The following MIS18BP1 variants were observed in gnomAD, a reference collection of about 807,000 sequenced individuals.
MIS18BP1 encodes MIS18 binding protein 1.
MIS18BP1 carries 72 observed loss-of-function variants against 116.1 expected under a neutral mutation model. The observed-to-expected ratio is 0.62, with a 90% CI of 0.51 to 0.75. MIS18BP1 has a LOEUF of 0.75. MIS18BP1 is among the 30% of genes least tolerant of loss of function. MIS18BP1 has a pLI of 0.00. For missense variants in MIS18BP1, 1,363 were observed against 1,303.2 expected (o/e 1.05, Z -0.71); for synonymous variants, 386 against 427.0 (o/e 0.90, Z 1.18).
chr14:45,250,218 G>A (rs1474045225), intron 1 of MIS18BP1: 1 of 152,108 alleles, frequency 6.6e-6, no homozygotes, highest in Non-Finnish European at 1.5e-5. Context: ...CCCTCCCAAA[G>A]AAACAGAAAG....
chr14:45,226,737 T>TA lies in MIS18BP1; in HGVS notation c.1840+5dup, dbSNP rs1891131735. 7.3e-7 allele frequency: 1 copy of TA among 1,378,880 alleles called. No individual in the cohort carries two copies. The highest frequency in any genetic ancestry group is 1.5e-5 in the African/African-American group (1 of 66,980). The allele number at this position is 1,378,880 out of a possible 1,614,324, so 85.4% of individuals were successfully genotyped here. A position where few individuals can be genotyped will look rare whatever the true frequency, so the allele number is the denominator to read the frequency against. ...TATGATTAAAAAACCATTAAAGATA[T>TA]ATTACCTTGCTTCTGACTTTTTATT... is the stretch of plus-strand genomic sequence containing the variant. On this transcript the variant is annotated splice_donor_region_variant and intron_variant, in intron 10 of 16. Transcript: ENST00000310806.
chr14:45,219,722 TTC>T (rs1419226432), intron 11 of MIS18BP1, among the ~76,000 whole-genome samples: 1 of 152,220 alleles, frequency 6.6e-6, no homozygotes, highest in African/African-American at 2.4e-5. Flanking sequence ...TGTTAATGAA[TTC>T]TTTTACATAA....
chr14:45,214,814 C>T (rs757925050), intron 13 of MIS18BP1, among the ~76,000 whole-genome samples: 1 of 152,058 alleles, frequency 6.6e-6, no homozygotes, highest in Non-Finnish European at 1.5e-5. Flanking sequence ...TGCAATGGTG[C>T]CTTCTCAGCT....
At chr14:45,207,523 C>T (rs577332209) in intron 14 of MIS18BP1, among the ~76,000 whole-genome samples, 3 of 152,232 alleles carry the variant, frequency 2.0e-5, no homozygotes, top group African/African-American at 7.2e-5. Flanking sequence ...CGGTGGCATG[C>T]GCCTGTAATC....
intron 12 of MIS18BP1, among the ~76,000 whole-genome samples, chr14:45,217,711 C>T (rs1225338225): frequency 6.6e-6 from 1 of 151,966 alleles, no homozygotes; most frequent in African/African-American, 2.4e-5. Context: ...GCTGGGATTA[C>T]AGGCATGAGC....
intron 5 of MIS18BP1, among the ~76,000 whole-genome samples, chr14:45,237,430 C>A (rs1201892986): frequency 6.6e-6 from 1 of 152,128 alleles, no homozygotes; most frequent in Non-Finnish European, 1.5e-5. Context: ...TTTGAACTGT[C>A]ATTATTTTAA....
chr14:45,214,110 GA>G, intron 13 of MIS18BP1, among the ~76,000 whole-genome samples: 1 of 152,206 alleles, frequency 6.6e-6, no homozygotes, highest in Non-Finnish European at 1.5e-5. Context: ...GGAAGGGAAA[GA>G]CCTTACTGTC....
chr14:45,206,055 T>C (rs937912301), intron 15 of MIS18BP1, 28 bp downstream of exon 15: 9 of 1,413,638 alleles, frequency 6.4e-6, no homozygotes, highest in Non-Finnish European at 9.0e-6. Flanking sequence ...GTTTCATAGA[T>C]ATGTATTGGA....
chr14:45,245,048 ATTTC>A (rs1891687033), intron 2 of MIS18BP1, among the ~76,000 whole-genome samples: 1 of 152,120 alleles, frequency 6.6e-6, no homozygotes, highest in South Asian at 2.1e-4. Context: ...AATTGCCATT[ATTTC>A]TTTGCCAGCC....
At chr14:45,235,665 A>T (rs1891408387) in intron 6 of MIS18BP1, 149 bp downstream of exon 6, 21 of 557,552 alleles carry the variant, frequency 3.8e-5, no homozygotes, top group Non-Finnish European at 5.9e-5. Context: ...CAGAAAAAAA[A>T]TTACCAGTTT....
At chr14:45,223,759 A>G (rs999098661) in intron 11 of MIS18BP1, among the ~76,000 whole-genome samples, 159 bp downstream of exon 11, 2 of 152,094 alleles carry the variant, frequency 1.3e-5, no homozygotes, top group Non-Finnish European at 2.9e-5. Flanking sequence ...AAATACCACT[A>G]GGAGTTATGT....
chr14:45,251,750 TAATAG>T (rs1413213220), intron 1 of MIS18BP1, among the ~76,000 whole-genome samples: 1 of 152,226 alleles, frequency 6.6e-6, no homozygotes, highest in African/African-American at 2.4e-5. Flanking sequence ...GAAAGGTGAT[TAATAG>T]AATACAAAAG....
rs1219633937 is a variant in MIS18BP1 at position 45,234,225 on chromosome 14, GA to G, written c.1349-1406del. Among the ~76,000 whole-genome samples, 80 of 129,422 alleles carry G rather than the reference GA, an allele frequency of 6.2e-4. 1 individual carries two copies. The highest frequency in any genetic ancestry group is 1.7e-3 in the South Asian group (7 of 4,192). The allele number at this position is 129,422 out of a possible 152,430, so 84.9% of individuals were successfully genotyped here. A position where few individuals can be genotyped will look rare whatever the true frequency, so the allele number is the denominator to read the frequency against. On this transcript the variant is annotated intron_variant, in intron 6 of 16. Transcript: ENST00000310806. ...GAACTGGAGGTTAAAGAGAATTCAA[GA>G]AAAAAAAAAAGAAAATTCAAGAGAA...
At position 45,241,754 on chromosome 14, in the gene MIS18BP1, CA is replaced by C. The variant is rs1891580184; in HGVS notation, c.1143+279del. The C allele has an allele frequency of 5.6e-5, 14 of 251,050 alleles. No homozygotes were observed. In the South Asian group the frequency reaches 1.0e-3, roughly 19 times the overall value. The allele number at this position is 251,050 out of a possible 1,614,324, so 15.6% of individuals were successfully genotyped here. On this transcript the variant is annotated intron_variant, in intron 4 of 16. Coordinates refer to ENST00000310806, the MANE Select transcript of MIS18BP1 (RefSeq NM_018353.5). ...TAGGAATGAATTCAATGTTCATCAC[CA>C]AAAGGAACAAGTAAATTATTGAAGA...
intron 8 of MIS18BP1, among the ~76,000 whole-genome samples, chr14:45,229,111 C>A (rs1192807930): frequency 6.6e-6 from 1 of 151,638 alleles, no homozygotes. Context: ...TTAATATTTG[C>A]CCCTAAACCA....
chr14:45,213,997 A>C (rs2139155251), intron 13 of MIS18BP1, among the ~76,000 whole-genome samples: 1 of 152,316 alleles, frequency 6.6e-6, no homozygotes, highest in East Asian at 1.9e-4. Flanking sequence ...TCAAGTACCC[A>C]GGGACACAAT....
At chr14:45,231,854 A>C (rs1891286623) in intron 7 of MIS18BP1, among the ~76,000 whole-genome samples, 1 of 152,188 alleles carries the variant, frequency 6.6e-6, no homozygotes, top group Non-Finnish European at 1.5e-5. Flanking sequence ...AGAATAAATC[A>C]AATTCTTCTG....
intron 1 of MIS18BP1, 81 bp from the exon 2 acceptor site, chr14:45,247,458 T>C (rs766231971): frequency 7.8e-6 from 4 of 513,144 alleles, no homozygotes; most frequent in Non-Finnish European, 1.4e-5. Context: ...CACAACATTA[T>C]ACTAATTAAA....
chr14:45,232,436 A>AAAAAAC (rs1891311603), intron 7 of MIS18BP1: 1 of 238,778 alleles, frequency 4.2e-6, no homozygotes, highest in East Asian at 1.5e-4. Flanking sequence ...AAAAAAAAAA[A>AAAAAAC]AACAACAACA....
Sources: allele counts gnomAD v4.1 joint callset (sites outside exome capture counted in the v4.1 genomes callset), GRCh38; gene constraint gnomAD v4.1.1; transcripts MANE v1.5; gene names NCBI Gene and HGNC (gene_info 2026-07-23, HGNC 2026-07-21).